Variants in PSMD11 observed in about 807,000 individuals in gnomAD.
PSMD11 encodes proteasome 26S subunit, non-ATPase 11, also known as 26S proteasome non-ATPase regulatory subunit 11.
Under a neutral mutation model 62.3 loss-of-function variants are expected in PSMD11, and 5 were observed. The observed-to-expected ratio is 0.08, with a 90% CI of 0.04 to 0.17. The LOEUF (loss-of-function observed/expected upper bound fraction) is 0.17. Among genes scored for constraint, PSMD11 ranks in the 10% least tolerant of loss-of-function variants. PSMD11 has a pLI of 1.00. For synonymous variants in PSMD11, 191 were observed against 191.8 expected (o/e 1.00, Z 0.03); for missense variants, 310 against 512.9 (o/e 0.60, Z 3.82).
At chr17:32,477,248 C>T (rs1030140004) in intron 8 of PSMD11, 1 of 344,748 alleles carries the variant, frequency 2.9e-6, no homozygotes. Flanking sequence ...AGCTTGTCAT[C>T]TCTAGAGAAT....
intron 5 of PSMD11, among the ~76,000 whole-genome samples, chr17:32,467,835 G>A (rs768335819): frequency 1.1e-4 from 16 of 152,114 alleles, no homozygotes; most frequent in Admixed American, 3.3e-4. Flanking sequence ...TTTTAATGTC[G>A]GGTACATGTG....
chr17:32,482,621 C>T lies in PSMD11; in HGVS notation c.*1869C>T, dbSNP rs1487641729. ...CCAGGGCAGCATGGTCCAGTGAGCA[C>T]ATGTAAGTTTGGGCAGTAGATCCTC... On this transcript the variant is annotated 3_prime_UTR_variant, in exon 14 of 14. Transcript: ENST00000261712. 3.9e-5 allele frequency: 6 copies of T among 152,218 alleles called. No individual in the cohort carries two copies. The highest frequency in any genetic ancestry group is 8.8e-5 in the Non-Finnish European group (6 of 68,058). 9.4% of individuals were successfully genotyped at this position (152,218 alleles called of 1,614,324 possible).
rs34280753 is a variant in PSMD11 at position 32,481,505 on chromosome 17, CTTT to C, written c.*766_*768del. On this transcript the variant is annotated 3_prime_UTR_variant, in exon 14 of 14. Transcript: ENST00000261712. ...CCCAAGGGGCCTGCTATGCATGTGG[CTTT>C]TTTTTTTTTTTTAAACACAGTAAAC... 6 of 145,086 alleles carry C rather than the reference CTTT, an allele frequency of 4.1e-5. No homozygotes were observed. Among genetic ancestry groups the C allele is most frequent in the Non-Finnish European group, 4.5e-5 (3 of 66,256 alleles). The allele number at this position is 145,086 out of a possible 1,614,324, so 9.0% of individuals were successfully genotyped here.
At chr17:32,448,218 A>G (rs575135771) in intron 2 of PSMD11, among the ~76,000 whole-genome samples, 1 of 152,202 alleles carries the variant, frequency 6.6e-6, no homozygotes, top group South Asian at 2.1e-4. Context: ...CTTATTAATT[A>G]TTAGGCTCAG....
chr17:32,478,518 C>G (rs1908394786), intron 9 of PSMD11, among the ~76,000 whole-genome samples: 1 of 152,106 alleles, frequency 6.6e-6, no homozygotes, highest in South Asian at 2.1e-4. Context: ...CACTTTTATT[C>G]CAAATAGTTC....
intron 5 of PSMD11, among the ~76,000 whole-genome samples, chr17:32,467,768 C>T (rs968738259): frequency 3.9e-5 from 6 of 152,204 alleles, no homozygotes; most frequent in Non-Finnish European, 5.9e-5. Context: ...TGTGCCACCA[C>T]ACCCAGCTCT....
At chr17:32,462,493 A>T (rs988820073) in intron 3 of PSMD11, among the ~76,000 whole-genome samples, 2 of 152,070 alleles carry the variant, frequency 1.3e-5, no homozygotes, top group African/African-American at 4.8e-5. Context: ...TTAGAGTTGG[A>T]GATTAGGTAG....
At chr17:32,470,269 T>C (rs1352706339) in intron 6 of PSMD11, among the ~76,000 whole-genome samples, 1 of 151,848 alleles carries the variant, frequency 6.6e-6, no homozygotes, top group Non-Finnish European at 1.5e-5. Flanking sequence ...CCTCTCAAAG[T>C]GCTGGGATTA....
chr17:32,468,121 G>A (rs1363761219), intron 5 of PSMD11, among the ~76,000 whole-genome samples: 1 of 152,166 alleles, frequency 6.6e-6, no homozygotes, highest in Non-Finnish European at 1.5e-5. Flanking sequence ...TTCCTGCAGA[G>A]GACGTGATCT....
intron 10 of PSMD11, 66 bp downstream of exon 10, chr17:32,479,442 C>G: frequency 1.3e-6 from 2 of 1,582,026 alleles, no homozygotes; most frequent in South Asian, 2.3e-5. Flanking sequence ...CCCTTCCACA[C>G]CTGTCCAGAA....
intron 5 of PSMD11, among the ~76,000 whole-genome samples, chr17:32,467,720 T>A (rs1908038722): frequency 6.6e-6 from 1 of 152,230 alleles, no homozygotes; most frequent in Non-Finnish European, 1.5e-5. Context: ...CCAGCAATCC[T>A]CCTGCCTCAG....
Position 32,456,995 on chromosome 17 carries a change from T to A in PSMD11, c.318+2376T>A, listed in dbSNP as rs554983930. ...ATTTATTTAATGATCATTTCTCCTG[T>A]TCCTTTGTGGAAATCCATTCAAGTG... On this transcript the variant is annotated intron_variant, in intron 3 of 13. Coordinates refer to ENST00000261712, the MANE Select transcript of PSMD11 (RefSeq NM_002815.4). Among the ~76,000 whole-genome samples, 19 of 152,314 alleles carry A rather than the reference T, an allele frequency of 1.2e-4. No homozygotes were observed. The South Asian group carries it at 3.9e-3, about 32-fold the overall frequency.
intron 7 of PSMD11, among the ~76,000 whole-genome samples, chr17:32,474,264 C>A (rs1908256390): frequency 1.3e-5 from 2 of 152,090 alleles, no homozygotes; most frequent in African/African-American, 4.8e-5. Context: ...TACAGATCAG[C>A]CAGTAACAGC....
intron 6 of PSMD11, among the ~76,000 whole-genome samples, chr17:32,471,271 G>A (rs1013087761): frequency 6.6e-6 from 1 of 152,182 alleles, no homozygotes; most frequent in Non-Finnish European, 1.5e-5. Context: ...GTAGTAGCAG[G>A]TTCAATCAAA....
intron 3 of PSMD11, among the ~76,000 whole-genome samples, chr17:32,462,563 C>A (rs1907872676): frequency 6.6e-6 from 1 of 152,158 alleles, no homozygotes; most frequent in Non-Finnish European, 1.5e-5. Flanking sequence ...CCTGGTGAAT[C>A]CTCTGAATAC....
chr17:32,459,115 CATATATATATA>C (rs1907738890), intron 3 of PSMD11, among the ~76,000 whole-genome samples: 1 of 111,882 alleles, frequency 8.9e-6, no homozygotes. Flanking sequence ...AAAAAAAATA[CATATATATATA>C]TATATATATA....
chr17:32,479,776 C>G (rs1357315715), intron 10 of PSMD11, 75 bp from the exon 11 acceptor site: 51 of 1,510,290 alleles, frequency 3.4e-5, no homozygotes, highest in Non-Finnish European at 4.5e-5. Context: ...CAGTTCTCCC[C>G]CTGTTCCCTC....
chr17:32,447,319 T>G (rs1227121127), intron 2 of PSMD11: 10 of 301,076 alleles, frequency 3.3e-5, no homozygotes, highest in Admixed American at 2.9e-4. Context: ...TGTATTCCCT[T>G]ACATAGAGGC....
At chr17:32,448,541 A>ATTT (rs879625081) in intron 2 of PSMD11, among the ~76,000 whole-genome samples, 3 of 141,028 alleles carry the variant, frequency 2.1e-5, no homozygotes, top group African/African-American at 7.8e-5. Flanking sequence ...CTAATTTTGT[A>ATTT]TTTTTTTTTT....
Sources: allele counts gnomAD v4.1 joint callset (sites outside exome capture counted in the v4.1 genomes callset), GRCh38; gene constraint gnomAD v4.1.1; transcripts MANE v1.5; gene names NCBI Gene and HGNC (gene_info 2026-07-23, HGNC 2026-07-21).